The following DHX35 variants were observed in gnomAD, a reference collection of about 807,000 sequenced individuals.
DHX35 encodes probable ATP-dependent RNA helicase DHX35.
DHX35 carries 84 observed loss-of-function variants against 99.6 expected under a neutral mutation model. That is an observed-to-expected ratio of 0.84 (90% CI 0.71 to 1.01). The LOEUF (loss-of-function observed/expected upper bound fraction) is 1.01, where lower values mean the gene tolerates loss of function less well. DHX35 is among the 50% of genes least tolerant of loss of function. The probability of loss-of-function intolerance (pLI) is 0.00; values close to 1 mark genes in which losing one functional copy is unlikely to be tolerated. For synonymous variants in DHX35, 331 were observed against 316.2 expected (o/e 1.05, Z -0.50); for missense variants, 852 against 888.5 (o/e 0.96, Z 0.52).
At chr20:39,031,200 T>G (rs1396953387) in intron 20 of DHX35, among the ~76,000 whole-genome samples, 2 of 152,048 alleles carry the variant, frequency 1.3e-5, no homozygotes, top group Non-Finnish European at 2.9e-5. Flanking sequence ...GCAAAGAGCT[T>G]CTTAAGCAAA....
Position 39,039,429 on chromosome 20 carries a change from A to G in DHX35, c.*886A>G, listed in dbSNP as rs568965336. 1.3e-5 allele frequency: 2 copies of G among 152,702 alleles called. No homozygotes were observed. Among genetic ancestry groups the G allele is most frequent in the African/African-American group, 4.8e-5 (2 of 41,566 alleles). The allele number at this position is 152,702 out of a possible 1,614,324, so 9.5% of individuals were successfully genotyped here. A position where few individuals can be genotyped will look rare whatever the true frequency, so the allele number is the denominator to read the frequency against. On this transcript the variant is annotated 3_prime_UTR_variant, in exon 22 of 22. Coordinates refer to ENST00000252011, the MANE Select transcript of DHX35 (RefSeq NM_021931.4). The stretch of plus-strand genomic sequence containing the variant: ...GGTTCTTGCAAGAGCGCGTGGGGAC[A>G]GTTCTTCCAGCAGGCACTGGTTTTG...
chr20:39,003,086 T>C (rs1176783963), intron 10 of DHX35, among the ~76,000 whole-genome samples: 3 of 152,234 alleles, frequency 2.0e-5, no homozygotes, highest in Non-Finnish European at 4.4e-5. Flanking sequence ...GTTAAATGTT[T>C]TTTTAAATGT....
Position 39,025,249 on chromosome 20 carries a change from G to A in DHX35, c.1691G>A (p.Trp564Ter). The change falls in exon 18 of 22, where the codon TGG (tryptophan) becomes TAG (stop). Residue 564 changes from tryptophan to a stop codon, truncating the protein, a stop_gained. Coordinates refer to ENST00000252011, the MANE Select transcript of DHX35 (RefSeq NM_021931.4). LOFTEE classifies it high-confidence loss of function. ...AFIKHNKDSK[W>*]CQEHFLNYKG... ...CTGTAGCACAATAAGGACTCTAAAT[G>A]GTGTCAGGAACATTTCCTGAATTAC... 2 of 1,612,952 alleles carry A rather than the reference G, an allele frequency of 1.2e-6. No homozygotes were observed. Among genetic ancestry groups the A allele is most frequent in the Non-Finnish European group, 1.7e-6 (2 of 1,179,436 alleles).
intron 15 of DHX35, among the ~76,000 whole-genome samples, chr20:39,019,930 C>T (rs1013007929): frequency 5.9e-5 from 9 of 152,186 alleles, no homozygotes; most frequent in African/African-American, 2.2e-4. Context: ...CCTTTCTACT[C>T]TCTGTTTCTA....
At position 39,025,436 on chromosome 20, in the gene DHX35, G is replaced by T. The variant is rs182331300; in HGVS notation, c.1801+77G>T. On this transcript the variant is annotated intron_variant, in intron 18 of 21. Transcript: ENST00000252011. The stretch of plus-strand genomic sequence containing the variant: ...TTGTCTTCCTAAAGTTCTCATGCTG[G>T]GCTGGTGCGAGGCAGTGTGGCGTGC... The T allele has an allele frequency of 7.4e-4, 1,150 of 1,560,246 alleles. 3 individuals are homozygous for T. In the Middle Eastern group the frequency reaches 8.1e-3, roughly 11 times the overall value.
intron 2 of DHX35, among the ~76,000 whole-genome samples, chr20:38,971,517 A>G (rs775690565): frequency 9.9e-5 from 15 of 152,068 alleles, no homozygotes; most frequent in Non-Finnish European, 1.9e-4. Flanking sequence ...CAAGTCTGCC[A>G]TGTTCACTTC....
chr20:38,989,899 AT>A (rs1243120457), intron 5 of DHX35, among the ~76,000 whole-genome samples: 1 of 152,222 alleles, frequency 6.6e-6, no homozygotes, highest in Admixed American at 6.5e-5. Context: ...GTGAATGAAA[AT>A]AATCTGATGA....
chr20:39,025,654 C>T (rs1465771939), intron 18 of DHX35, among the ~76,000 whole-genome samples: 1 of 152,180 alleles, frequency 6.6e-6, no homozygotes, highest in Non-Finnish European at 1.5e-5. Flanking sequence ...CATTGATTTT[C>T]CCATGTAGGC....
At chr20:39,002,324 G>T (rs2086534087) in intron 9 of DHX35, among the ~76,000 whole-genome samples, 1 of 152,218 alleles carries the variant, frequency 6.6e-6, no homozygotes. Context: ...TCCAGTGGCT[G>T]ATAAATCCAG....
At chr20:38,991,281 T>C (rs1032770947) in intron 5 of DHX35, among the ~76,000 whole-genome samples, 173 bp from the exon 6 acceptor site, 3 of 152,222 alleles carry the variant, frequency 2.0e-5, no homozygotes, top group African/African-American at 7.2e-5. Flanking sequence ...TTAAAGCCTT[T>C]TGTGAACAAT....
chr20:39,028,474 A>C lies in DHX35; in HGVS notation c.1858A>C (p.Arg620=), dbSNP rs772677271. 1 of 1,614,240 alleles carries C rather than the reference A, an allele frequency of 6.2e-7. No homozygotes were observed. The highest frequency in any genetic ancestry group is 1.1e-5 in the South Asian group (1 of 91,082). The change falls in exon 19 of 22, where the codon AGG becomes CGG. Residue 620 remains arginine (R), a synonymous_variant. Transcript: ENST00000252011. ...CTCCGGCTTCTTCGCCAATGCAGCGAGGTTTCATTCTACTGGAGCTTATAG... is the reference window on the plus strand; with the variant it reads ...CTCCGGCTTCTTCGCCAATGCAGCGCGGTTTCATTCTACTGGAGCTTATAG... The part of the protein sequence containing the change: ...IVSGFFANAA[R]FHSTGAYRTI...
chr20:39,033,242 A>T (rs551110647), intron 20 of DHX35, among the ~76,000 whole-genome samples: 77 of 150,004 alleles, frequency 5.1e-4, no homozygotes, highest in South Asian at 3.4e-3. Flanking sequence ...CCTTTAAAAA[A>T]TTTTTTTTTT....
chr20:38,962,361 C>G lies in DHX35; in HGVS notation c.-7C>G, dbSNP rs1368667650. On this transcript the variant is annotated 5_prime_UTR_variant, in exon 1 of 22. Coordinates refer to ENST00000252011, the MANE Select transcript of DHX35 (RefSeq NM_021931.4). ...GTGGAGCTAGCCTCGTGACCTTTTA[C>G]CCCAACATGGCTGCGCCCGTGGGAC... is the stretch of plus-strand genomic sequence containing the variant. The G allele has an allele frequency of 6.2e-7, 1 of 1,612,164 alleles. No homozygotes were observed. The highest frequency in any genetic ancestry group is 1.7e-5 in the Admixed American group (1 of 59,878).
At chr20:38,970,672 T>C (rs565103581) in intron 2 of DHX35, among the ~76,000 whole-genome samples, 73 of 152,314 alleles carry the variant, frequency 4.8e-4, no homozygotes, top group Non-Finnish European at 8.1e-4. Context: ...AGGACTGTTA[T>C]GAGGACCAGA....
chr20:38,976,418 CTT>C (rs11468335), intron 3 of DHX35, among the ~76,000 whole-genome samples: 84 of 133,190 alleles, frequency 6.3e-4, no homozygotes, highest in African/African-American at 1.0e-3. Context: ...TATGCCTTGA[CTT>C]TTTTTTTTTT....
At chr20:39,030,517 T>C in intron 19 of DHX35, 187 bp from the exon 20 acceptor site, 1 of 582,000 alleles carries the variant, frequency 1.7e-6, no homozygotes, top group Non-Finnish European at 3.0e-6. Flanking sequence ...ACGTGATTTA[T>C]TCTTGACTTC....
intron 3 of DHX35, chr20:38,978,139 A>G (rs1270146444): frequency 1.6e-5 from 13 of 795,396 alleles, no homozygotes; most frequent in South Asian, 2.7e-5. Flanking sequence ...CACCGGTGGT[A>G]TTATTTCAAA....
intron 4 of DHX35, among the ~76,000 whole-genome samples, chr20:38,984,100 C>T (rs762224609): frequency 1.2e-4 from 18 of 151,650 alleles, no homozygotes; most frequent in South Asian, 2.1e-4. Flanking sequence ...TTAGTAGAGA[C>T]GGGGTTTCAC....
At chr20:38,965,845 G>A (rs1362937142) in intron 1 of DHX35, among the ~76,000 whole-genome samples, 2 of 152,138 alleles carry the variant, frequency 1.3e-5, no homozygotes, top group Non-Finnish European at 2.9e-5. Flanking sequence ...GATCCGAAGG[G>A]CCTGCCCATT....
Sources: gnomAD v4.1 joint callset for allele counts (sites outside exome capture counted in the v4.1 genomes callset) on GRCh38, gnomAD v4.1.1 for gene constraint, MANE v1.5 for transcripts, NCBI Gene and HGNC (gene_info 2026-07-23, HGNC 2026-07-21) for gene names.